Variants in DSCAML1 observed in about 807,000 individuals in gnomAD.
The protein encoded by DSCAML1 is DS cell adhesion molecule like 1, also known as cell adhesion molecule DSCAML1.
DSCAML1 carries 38 observed loss-of-function variants against 200.5 expected under a neutral mutation model. The ratio of observed to expected loss-of-function variants is 0.19; its 90% CI spans 0.15 to 0.25. The LOEUF (loss-of-function observed/expected upper bound fraction) is 0.25, where lower values mean the gene tolerates loss of function less well. Ranked by LOEUF, DSCAML1 falls within the 10% of genes least tolerant of loss-of-function variation. The probability of loss-of-function intolerance (pLI) is 1.00; values close to 1 mark genes in which losing one functional copy is unlikely to be tolerated. For synonymous variants in DSCAML1, 1,215 were observed against 1,165.0 expected, an observed-to-expected ratio of 1.04 and a Z score of -0.87; for missense variants, 2,223 against 2,858.8, an observed-to-expected ratio of 0.78 and a Z score of 5.07.
upstream of DSCAML1, among the ~76,000 whole-genome samples, chr11:117,799,398 C>T (rs1448518188): frequency 6.6e-6 from 1 of 152,158 alleles, no homozygotes; most frequent in African/African-American, 2.4e-5. Flanking sequence ...GCGGTGGACC[C>T]TCTTCTTTGC....
chr11:117,481,201 G>A lies in DSCAML1; in HGVS notation c.2629C>T (p.Arg877Trp), dbSNP rs755785436. 13 of 1,613,758 alleles carry A rather than the reference G, an allele frequency of 8.1e-6. No homozygotes were observed. The highest frequency in any genetic ancestry group is 4.4e-5 in the South Asian group (4 of 91,072). ...TGCACAGTGAGTTGGATCAAGCCCCGGTCCTCCCCATACGAGTTGATGGCA... is the reference window on the plus strand; with the variant it reads ...TGCACAGTGAGTTGGATCAAGCCCCAGTCCTCCCCATACGAGTTGATGGCA... ...CHAINSYGED[R>W]GLIQLTVQEP... The change falls in exon 13 of 33, where the codon CGG becomes TGG. Residue 877 changes from arginine to tryptophan, a missense_variant. Coordinates refer to ENST00000651296, the MANE Select transcript of DSCAML1 (RefSeq NM_020693.4).
chr11:117,447,282 C>T (rs1162938882), intron 20 of DSCAML1, among the ~76,000 whole-genome samples: 2 of 152,016 alleles, frequency 1.3e-5, no homozygotes, highest in African/African-American at 2.4e-5. Context: ...AGCAGGGCTC[C>T]GTCACATACA....
At chr11:117,801,312 C>T (rs542858545), upstream of DSCAML1, 5 of 152,358 alleles carry the variant, frequency 3.3e-5, no homozygotes, top group African/African-American at 1.2e-4. Flanking sequence ...CTGGAATGAT[C>T]ACCAAGATCC....
intron 3 of DSCAML1, among the ~76,000 whole-genome samples, chr11:117,627,200 C>A (rs528741935): frequency 9.2e-5 from 14 of 152,172 alleles, no homozygotes; most frequent in Non-Finnish European, 1.2e-4. Flanking sequence ...ATCCCGTTGT[C>A]CTGCCCATCA....
At chr11:117,452,231 G>C (rs911473650) in intron 19 of DSCAML1, among the ~76,000 whole-genome samples, 42 of 152,292 alleles carry the variant, frequency 2.8e-4, no homozygotes, top group Admixed American at 2.7e-3. Flanking sequence ...CACTGTGGTT[G>C]TGAATTTGTC....
chr11:117,456,581 A>C (rs915025885), intron 19 of DSCAML1, among the ~76,000 whole-genome samples: 8 of 151,726 alleles, frequency 5.3e-5, no homozygotes, highest in Non-Finnish European at 1.0e-4. Flanking sequence ...TATGACTGCT[A>C]TTCTGGATGA....
intron 3 of DSCAML1, among the ~76,000 whole-genome samples, chr11:117,724,538 T>C (rs949442228): frequency 6.6e-6 from 1 of 152,200 alleles, no homozygotes; most frequent in African/African-American, 2.4e-5. Flanking sequence ...ATTAAAATGC[T>C]CAGATGCCGG....
chr11:117,563,149 G>A (rs965187746), intron 3 of DSCAML1, among the ~76,000 whole-genome samples: 3 of 152,194 alleles, frequency 2.0e-5, no homozygotes, highest in African/African-American at 7.2e-5. Flanking sequence ...AGCTGGTCCT[G>A]GAGTGGAGGG....
At chr11:117,630,122 C>A in intron 3 of DSCAML1, among the ~76,000 whole-genome samples, 1 of 152,144 alleles carries the variant, frequency 6.6e-6, no homozygotes, top group East Asian at 1.9e-4. Flanking sequence ...ATGGAGAAAG[C>A]GCGAGATGTC....
intron 21 of DSCAML1, 130 bp from the exon 22 acceptor site, chr11:117,440,066 T>C (rs767712976): frequency 2.8e-6 from 2 of 724,572 alleles, no homozygotes; most frequent in South Asian, 3.4e-5. Context: ...CTTGGGCTTT[T>C]GGTGAGGGGT....
chr11:117,523,856 A>C (rs2049924432), intron 5 of DSCAML1, among the ~76,000 whole-genome samples: 6 of 152,196 alleles, frequency 3.9e-5, no homozygotes, highest in Admixed American at 3.9e-4. Flanking sequence ...TGCTGTTAGT[A>C]ATGACAGCCT....
At chr11:117,558,962 C>T (rs1430978621) in intron 3 of DSCAML1, among the ~76,000 whole-genome samples, 5 of 152,244 alleles carry the variant, frequency 3.3e-5, no homozygotes, top group South Asian at 4.1e-4. Context: ...GTGCCAAGGT[C>T]GTCTAGCTAT....
At position 117,433,203 on chromosome 11, in the gene DSCAML1, C is replaced by A; in HGVS notation, c.4961G>T (p.Arg1654Leu). The change falls in exon 29 of 33, where the codon CGG becomes CTG. Residue 1654 changes from arginine to leucine, a missense_variant. Arg to Leu is a moderately radical substitution (Grantham distance 102). Coordinates refer to ENST00000651296, the MANE Select transcript of DSCAML1 (RefSeq NM_020693.4). ...GACCCTGGGGATGTCAATGTGTAGC[C>A]GTGGGCCCTGGGGTGGCCCTTTCAC... The part of the protein sequence containing the change: ...TPVKGPPQGP[R>L]LHIDIPRVQL... The A allele has an allele frequency of 6.2e-7, 1 of 1,613,992 alleles. No homozygotes were observed. The highest frequency in any genetic ancestry group is 8.5e-7 in the Non-Finnish European group (1 of 1,179,946).
At chr11:117,775,749 A>C (rs1010360648) in intron 3 of DSCAML1, among the ~76,000 whole-genome samples, 8 of 152,228 alleles carry the variant, frequency 5.3e-5, no homozygotes, top group African/African-American at 1.9e-4. Context: ...GGGGCTAAGC[A>C]TTGGTGTTTC....
At chr11:117,742,963 C>G (rs1047199814) in intron 3 of DSCAML1, among the ~76,000 whole-genome samples, 1 of 151,978 alleles carries the variant, frequency 6.6e-6, no homozygotes, top group African/African-American at 2.4e-5. Flanking sequence ...TCCCATGTGT[C>G]CCTTCTGGGA....
intron 3 of DSCAML1, among the ~76,000 whole-genome samples, chr11:117,676,619 A>C (rs1213412535): frequency 2.0e-5 from 3 of 152,170 alleles, no homozygotes; most frequent in Non-Finnish European, 4.4e-5. Context: ...CCTCCAGCCC[A>C]ATCAGCCTCC....
intron 3 of DSCAML1, among the ~76,000 whole-genome samples, chr11:117,720,437 C>G (rs1438848760): frequency 6.6e-6 from 1 of 152,112 alleles, no homozygotes; most frequent in East Asian, 1.9e-4. Context: ...GAGCCGAGGG[C>G]TGAATCATGA....
intron 3 of DSCAML1, among the ~76,000 whole-genome samples, chr11:117,607,755 C>A (rs2051598944): frequency 6.6e-6 from 1 of 152,192 alleles, no homozygotes; most frequent in African/African-American, 2.4e-5. Flanking sequence ...GACCCCACAA[C>A]AGGAGGGCAG....
chr11:117,808,413 A>G (rs574075307), intron 1 of DSCAML1, among the ~76,000 whole-genome samples: 73 of 152,272 alleles, frequency 4.8e-4, no homozygotes, highest in African/African-American at 1.5e-3. Flanking sequence ...GCATGCCCGA[A>G]GCCCCTGGCA....
Sources: gnomAD v4.1 joint callset for allele counts (sites outside exome capture counted in the v4.1 genomes callset) on GRCh38, gnomAD v4.1.1 for gene constraint, MANE v1.5 for transcripts, NCBI Gene and HGNC (gene_info 2026-07-23, HGNC 2026-07-21) for gene names.